Variants in WDR41 observed in about 807,000 individuals in gnomAD.
The protein encoded by WDR41 is WD repeat-containing protein 41.
A neutral mutation model predicts 69.3 loss-of-function variants in WDR41; 63 were observed. The ratio of observed to expected loss-of-function variants is 0.91; its 90% CI spans 0.74 to 1.12. The LOEUF is 1.12. Among genes scored for constraint, WDR41 ranks in the 50% most tolerant of loss-of-function variants. The pLI is 0.00. For missense variants in WDR41, 543 were observed against 534.5 expected (o/e 1.02, Z -0.16); for synonymous variants, 185 against 192.1 (o/e 0.96, Z 0.31).
At chr5:77,446,319 A>AATCAATATCATGAAAATGGCC (rs1458865064) in intron 8 of WDR41, among the ~76,000 whole-genome samples, 1 of 152,236 alleles carries the variant, frequency 6.6e-6, no homozygotes, top group Non-Finnish European at 1.5e-5. Flanking sequence ...AGATAGGAAG[A>AATCAATATCATGAAAATGGCC]ATCAATATCA....
Position 77,433,016 on chromosome 5 carries a change from AT to A in WDR41, c.*118del. 1 of 1,217,940 alleles carries A rather than the reference AT, an allele frequency of 8.2e-7. No homozygotes were observed. Among genetic ancestry groups the A allele is most frequent in the Non-Finnish European group, 1.1e-6 (1 of 892,792 alleles). The allele number at this position is 1,217,940 out of a possible 1,614,324, so 75.4% of individuals were successfully genotyped here. The stretch of plus-strand genomic sequence containing the variant: ...TCCACAAAAAATTTAAACATGTAGA[AT>A]TTTATGGACTGACAAAAAAAATTAC... On this transcript the variant is annotated 3_prime_UTR_variant, in exon 13 of 13. Transcript: ENST00000296679.
Position 77,478,355 on chromosome 5 carries a change from G to A in WDR41, c.167+11102C>T, listed in dbSNP as rs568393983. Among the ~76,000 whole-genome samples, 55 of 152,036 alleles carry A rather than the reference G, an allele frequency of 3.6e-4. 1 individual carries two copies. Among genetic ancestry groups the A allele is most frequent in the African/African-American group, 3.9e-4 (16 of 41,374 alleles). On this transcript the variant is annotated intron_variant, in intron 2 of 12. Transcript: ENST00000296679. ...CCAGCATCATCCTGATACCAAAGCC[G>A]GGCAGAGACATAACCGAAAAAGAGA...
chr5:77,461,168 T>C (rs189034042), intron 4 of WDR41, among the ~76,000 whole-genome samples: 2 of 151,130 alleles, frequency 1.3e-5, no homozygotes, highest in East Asian at 1.9e-4. Context: ...ACACTGATAC[T>C]GAAAAAGAGA....
intron 2 of WDR41, among the ~76,000 whole-genome samples, chr5:77,466,470 G>A (rs1419729878): frequency 2.6e-5 from 4 of 151,764 alleles, no homozygotes; most frequent in African/African-American, 9.7e-5. Context: ...AATTTCTATT[G>A]ATTCTTTAAA....
At chr5:77,459,967 A>C (rs2151318581) in intron 4 of WDR41, among the ~76,000 whole-genome samples, 1 of 152,210 alleles carries the variant, frequency 6.6e-6, no homozygotes, top group East Asian at 1.9e-4. Context: ...AGCCTGGCCT[A>C]ACTTATATGT....
At chr5:77,452,250 G>A (rs987145285) in intron 6 of WDR41, 4 of 152,234 alleles carry the variant, frequency 2.6e-5, no homozygotes, top group Non-Finnish European at 4.4e-5. Context: ...TGCAAGGAAG[G>A]CAAAGGAATG....
chr5:77,435,398 C>G (rs1798899197), intron 12 of WDR41, among the ~76,000 whole-genome samples: 2 of 152,170 alleles, frequency 1.3e-5, no homozygotes, highest in South Asian at 4.1e-4. Context: ...GGTCTATACC[C>G]CTTCTCTCCA....
At chr5:77,436,206 C>T in intron 12 of WDR41, 55 bp downstream of exon 12, 1 of 1,579,886 alleles carries the variant, frequency 6.3e-7, no homozygotes, top group South Asian at 1.2e-5. Flanking sequence ...AAGAAAAGAG[C>T]AATGAAATGC....
chr5:77,591,060 C>T (rs1323203008), intron 1 of WDR41, among the ~76,000 whole-genome samples: 1 of 152,098 alleles, frequency 6.6e-6, no homozygotes, highest in Non-Finnish European at 1.5e-5. Flanking sequence ...TCTAATTAGA[C>T]TCAATTTCTT....
chr5:77,439,393 C>G (rs1426984991), intron 9 of WDR41, among the ~76,000 whole-genome samples: 1 of 152,188 alleles, frequency 6.6e-6, no homozygotes, highest in East Asian at 1.9e-4. Flanking sequence ...CCTTGACTCT[C>G]AGGATTAGTA....
intron 1 of WDR41, among the ~76,000 whole-genome samples, chr5:77,505,719 C>A (rs1802094478): frequency 6.6e-6 from 1 of 152,126 alleles, no homozygotes; most frequent in Non-Finnish European, 1.5e-5. Flanking sequence ...ACAGAGACCT[C>A]AGAAATAACA....
chr5:77,548,994 G>A (rs1357789849), intron 1 of WDR41, among the ~76,000 whole-genome samples: 8 of 152,200 alleles, frequency 5.3e-5, no homozygotes, highest in African/African-American at 1.9e-4. Context: ...TGTTCTGGAT[G>A]AGATTGGAGA....
At chr5:77,589,807 A>G (rs1411599018) in intron 1 of WDR41, among the ~76,000 whole-genome samples, 1 of 152,116 alleles carries the variant, frequency 6.6e-6, no homozygotes, top group African/African-American at 2.4e-5. Context: ...TCCAATCCTT[A>G]TAATATTTAT....
chr5:77,546,148 T>C, intron 1 of WDR41: 1 of 481,578 alleles, frequency 2.1e-6, no homozygotes, highest in Non-Finnish European at 3.6e-6. Context: ...ACCTCCGACC[T>C]CTGGAAGGAG....
chr5:77,523,759 GAATA>G (rs1288427438), intron 1 of WDR41, among the ~76,000 whole-genome samples: 1 of 152,002 alleles, frequency 6.6e-6, no homozygotes, highest in African/African-American at 2.4e-5. Context: ...TGACTATAAA[GAATA>G]AATATCAAAT....
chr5:77,471,374 A>C (rs1800600041), intron 2 of WDR41, among the ~76,000 whole-genome samples: 1 of 152,340 alleles, frequency 6.6e-6, no homozygotes. Context: ...GAACTAGAAA[A>C]GCAAGAGCAA....
At chr5:77,603,321 T>C (rs1744358661) in intron 1 of WDR41, among the ~76,000 whole-genome samples, 1 of 152,228 alleles carries the variant, frequency 6.6e-6, no homozygotes, top group South Asian at 2.1e-4. Context: ...TGATTAATGA[T>C]GTTGAGCATT....
At chr5:77,572,801 C>A (rs1004502252) in intron 1 of WDR41, among the ~76,000 whole-genome samples, 1 of 152,126 alleles carries the variant, frequency 6.6e-6, no homozygotes, top group African/African-American at 2.4e-5. Flanking sequence ...CTCAAAATAC[C>A]TGTTATGGAT....
chr5:77,567,082 T>C (rs984167155), intron 1 of WDR41, among the ~76,000 whole-genome samples: 16 of 151,912 alleles, frequency 1.1e-4, no homozygotes, highest in Non-Finnish European at 1.6e-4. Flanking sequence ...AGCGACAGAG[T>C]CCATTGCTCT....
Sources: allele counts gnomAD v4.1 joint callset (sites outside exome capture counted in the v4.1 genomes callset), GRCh38; gene constraint gnomAD v4.1.1; transcripts MANE v1.5; gene names NCBI Gene and HGNC (gene_info 2026-07-23, HGNC 2026-07-21).